GLCCI1: variants seen among roughly 807,000 people sequenced by gnomAD.
The protein encoded by GLCCI1 is glucocorticoid-induced transcript 1 protein.
Under a neutral mutation model 52.2 loss-of-function variants are expected in GLCCI1, and 24 were observed. The ratio of observed to expected loss-of-function variants is 0.46; its 90% CI spans 0.33 to 0.65. The LOEUF (loss-of-function observed/expected upper bound fraction) is 0.65. Among genes scored for constraint, GLCCI1 ranks in the 30% least tolerant of loss-of-function variants. The pLI is 0.02. For synonymous variants in GLCCI1, 310 were observed against 276.5 expected (o/e 1.12, Z -1.20); for missense variants, 704 against 701.5 (o/e 1.00, Z -0.04).
At chr7:8,014,468 C>G (rs765224717) in intron 2 of GLCCI1, among the ~76,000 whole-genome samples, 2 of 152,104 alleles carry the variant, frequency 1.3e-5, no homozygotes, top group African/African-American at 4.8e-5. Flanking sequence ...GTGGAAAATG[C>G]CATTTCATCA....
intron 3 of GLCCI1, among the ~76,000 whole-genome samples, chr7:8,040,672 A>T (rs936127040): frequency 6.6e-6 from 1 of 152,168 alleles, no homozygotes; most frequent in African/African-American, 2.4e-5. Flanking sequence ...TTTGGAAAAC[A>T]CTTTGCTAGT....
rs747666296 is a variant in GLCCI1, at chr7:8,071,021, G to T, written c.1067G>T (p.Arg356Leu). Reference protein sequence around the residue: ...IDTQTPSVQERSSSCSSHSPC... With the variant: ...IDTQTPSVQELSSSCSSHSPC... ...ACTCAGACTCCTTCTGTCCAGGAGC[G>T]CAGCAGTAGCTGCAGCAGTCATTCA... The change falls in exon 6 of 8, where the codon CGC (arginine) becomes CTC (leucine). Residue 356 changes from arginine to leucine, a missense_variant. By Grantham distance (102) the Arg-to-Leu change is moderately radical. Around this residue, in one of 3 missense-constraint regions of GLCCI1, gnomAD observed 547 missense variants for 524.8 expected, o/e 1.04. Transcript: ENST00000223145. The T allele has an allele frequency of 1.2e-6, 2 of 1,614,088 alleles. No homozygotes were observed. The highest frequency in any genetic ancestry group is 8.5e-7 in the Non-Finnish European group (1 of 1,180,004).
Position 8,053,679 on chromosome 7 carries a change from G to A in GLCCI1, c.697-1754G>A, listed in dbSNP as rs532080884. Among the ~76,000 whole-genome samples, 8 of 151,964 alleles carry A rather than the reference G, an allele frequency of 5.3e-5. No homozygotes were observed. In the East Asian group the frequency reaches 7.7e-4, roughly 15 times the overall value. Reference sequence around the variant, plus strand: ...CTTGGAGCTAGTGTAGTTGGGACCCGTTTCAAGTTTAAATTAGGCATCTCA... The same window carrying A: ...CTTGGAGCTAGTGTAGTTGGGACCCATTTCAAGTTTAAATTAGGCATCTCA... On this transcript the variant is annotated intron_variant, in intron 3 of 7. Transcript: ENST00000223145.
chr7:7,980,674 A>G (rs1403872704), intron 1 of GLCCI1: 6 of 786,936 alleles, frequency 7.6e-6, no homozygotes, highest in South Asian at 1.5e-5. Flanking sequence ...GAAGGGCACA[A>G]TGTCCATGGT....
chr7:8,075,232 G>C (rs1782851796), intron 6 of GLCCI1, among the ~76,000 whole-genome samples: 1 of 152,114 alleles, frequency 6.6e-6, no homozygotes, highest in Admixed American at 6.6e-5. Flanking sequence ...TTCAGCTATT[G>C]AGAGACTTGT....
intron 1 of GLCCI1, among the ~76,000 whole-genome samples, chr7:7,976,479 C>CAAAAAAA (rs35255634): frequency 3.6e-4 from 9 of 24,676 alleles, no homozygotes; most frequent in African/African-American, 1.2e-3. Context: ...AACTCCATCT[C>CAAAAAAA]AAAAAAAAAA....
chr7:7,971,631 C>A (rs904086606), intron 1 of GLCCI1, among the ~76,000 whole-genome samples: 4 of 152,154 alleles, frequency 2.6e-5, no homozygotes, highest in East Asian at 1.9e-4. Context: ...TAACATCTTA[C>A]AACGGATAAT....
chr7:8,080,053 T>A (rs1238881671), intron 6 of GLCCI1, among the ~76,000 whole-genome samples: 2 of 151,506 alleles, frequency 1.3e-5, no homozygotes, highest in African/African-American at 4.9e-5. Context: ...AGTTTCCAAG[T>A]TGGTCTTGGA....
At chr7:8,052,023 T>G (rs886155989) in intron 3 of GLCCI1, among the ~76,000 whole-genome samples, 2 of 152,238 alleles carry the variant, frequency 1.3e-5, no homozygotes, top group African/African-American at 4.8e-5. Flanking sequence ...CACCTTGTCC[T>G]GGGCAGGTAC....
chr7:8,029,764 G>A (rs1048492324), intron 3 of GLCCI1, among the ~76,000 whole-genome samples: 1 of 151,860 alleles, frequency 6.6e-6, no homozygotes, highest in Non-Finnish European at 1.5e-5. Context: ...TATTCTAAAA[G>A]TGAACAATAG....
chr7:8,051,425 C>T (rs1782255968), intron 3 of GLCCI1, among the ~76,000 whole-genome samples: 1 of 152,194 alleles, frequency 6.6e-6, no homozygotes, highest in Non-Finnish European at 1.5e-5. Context: ...CAGCCTTGGG[C>T]ATGTCATTCA....
In GLCCI1 at chr7:8,086,498, G is replaced by T; in HGVS notation, c.1604G>T (p.Gly535Val). ...CAGCAGCTCCTGCAGGAACTGCAGGGTGAGGACCACATCTCTGCTCAGAAC... is the reference window on the plus strand; with the variant it reads ...CAGCAGCTCCTGCAGGAACTGCAGGTTGAGGACCACATCTCTGCTCAGAAC... ...QQQQLLQELQ[G>V]EDHISAQNYV... The change falls in exon 8 of 8, where the codon GGT (glycine) becomes GTT (valine). Residue 535 changes from glycine to valine, a missense_variant. By Grantham distance (109) the Gly-to-Val change is moderately radical. Transcript: ENST00000223145. This position sits in a 1 kb window ranked among gnomAD's most constrained non-coding sequence, Gnocchi z 4.4. The T allele has an allele frequency of 6.2e-7, 1 of 1,613,668 alleles. No individual in the cohort carries two copies. Among genetic ancestry groups the T allele is most frequent in the Non-Finnish European group, 8.5e-7 (1 of 1,179,800 alleles).
chr7:8,056,986 T>G (rs1782412467), intron 4 of GLCCI1, among the ~76,000 whole-genome samples: 1 of 152,070 alleles, frequency 6.6e-6, no homozygotes, highest in Non-Finnish European at 1.5e-5. Flanking sequence ...AAAATCAAAG[T>G]GAATTAACTA....
chr7:8,026,949 A>C (rs1781635584), intron 3 of GLCCI1, among the ~76,000 whole-genome samples: 1 of 152,242 alleles, frequency 6.6e-6, no homozygotes, highest in Admixed American at 6.5e-5. Context: ...AAATCTGAAA[A>C]AAACACAGTG....
chr7:8,016,341 C>T lies in GLCCI1; in HGVS notation c.610-6142C>T, dbSNP rs553711114. 2.6e-5 allele frequency among the ~76,000 whole-genome samples: 4 copies of T among 151,980 alleles called. No homozygotes were observed. In the East Asian group the frequency reaches 5.8e-4, roughly 22 times the overall value. On this transcript the variant is annotated intron_variant, in intron 2 of 7. Transcript: ENST00000223145. ...AAAATTAGCCGGGTGTGGTGGTGGGCGCCTGTAGTCCCAACTACTCGGGAG... is the reference window on the plus strand; with the variant it reads ...AAAATTAGCCGGGTGTGGTGGTGGGTGCCTGTAGTCCCAACTACTCGGGAG...
chr7:8,062,417 G>T (rs1347104142), intron 5 of GLCCI1, among the ~76,000 whole-genome samples: 2 of 152,130 alleles, frequency 1.3e-5, no homozygotes, highest in African/African-American at 4.8e-5. Context: ...AATAGTTATT[G>T]CTGTGAAGTT....
In GLCCI1 at chr7:8,070,960, G is replaced by T. The variant is rs1199327785; in HGVS notation, c.1006G>T (p.Ala336Ser). 2.5e-6 allele frequency: 4 copies of T among 1,614,144 alleles called. No individual in the cohort carries two copies. The highest frequency in any genetic ancestry group is 3.4e-6 in the Non-Finnish European group (4 of 1,180,012). Residue 336 changes from alanine (A) to serine (S), a missense_variant, in exon 6 of 8, where the codon GCT becomes TCT. Coordinates refer to ENST00000223145, the MANE Select transcript of GLCCI1 (RefSeq NM_138426.4). ...AGATGGTCGAAGAGCTCCACTTCCT[G>T]CTCATTACCGGAGCAGTAGTACTCG... ...IPDGRRAPLPAHYRSSSTRSI... is the reference protein window; with the variant it reads ...IPDGRRAPLPSHYRSSSTRSI...
intron 1 of GLCCI1, chr7:7,982,090 A>C (rs1780634727): frequency 2.1e-6 from 1 of 467,400 alleles, no homozygotes. Context: ...GTCGTAGCTG[A>C]TCGCAAGAGA....
chr7:8,045,900 G>C (rs1782112653), intron 3 of GLCCI1, among the ~76,000 whole-genome samples: 1 of 150,788 alleles, frequency 6.6e-6, no homozygotes, highest in Non-Finnish European at 1.5e-5. Context: ...TGCCATAAGA[G>C]ATATCGGACA....
Sources: gnomAD v4.1 joint callset for allele counts (sites outside exome capture counted in the v4.1 genomes callset) on GRCh38, gnomAD v4.1.1 for gene constraint, gnomAD v4.1.1 regional missense constraint, Gnocchi (gnomAD v3.1) non-coding constraint, MANE v1.5 for transcripts, NCBI Gene and HGNC (gene_info 2026-07-23, HGNC 2026-07-21) for gene names.